Variants in MAP3K9 observed in about 807,000 individuals in gnomAD.
MAP3K9 encodes the protein mixed lineage kinase 1 (tyr and ser/thr specificity).
A neutral mutation model predicts 95.8 loss-of-function variants in MAP3K9; 46 were observed. That is an observed-to-expected ratio of 0.48 (90% CI 0.38 to 0.61). MAP3K9 has a LOEUF of 0.61. Ranked by LOEUF, MAP3K9 falls within the 20% of genes least tolerant of loss-of-function variation. The pLI is 0.00. For synonymous variants in MAP3K9, 533 were observed against 593.8 expected, an observed-to-expected ratio of 0.90 and a Z score of 1.49; for missense variants, 1,296 against 1,474.3, an observed-to-expected ratio of 0.88 and a Z score of 1.98.
chr14:70,741,328 G>A (rs1480756206), intron 6 of MAP3K9, among the ~76,000 whole-genome samples: 1 of 152,102 alleles, frequency 6.6e-6, no homozygotes, highest in East Asian at 1.9e-4. Flanking sequence ...GACCTCAGAT[G>A]ATCCACCCGC....
At position 70,724,156 on chromosome 14, in the gene MAP3K9, G is replaced by A. The variant is rs1431259989; in HGVS notation, c.*6224C>T. 2 of 152,188 alleles carry A rather than the reference G, an allele frequency of 1.3e-5. No individual in the cohort carries two copies. Among genetic ancestry groups the A allele is most frequent in the African/African-American group, 4.8e-5 (2 of 41,438 alleles). 9.4% of individuals were successfully genotyped at this position (152,188 alleles called of 1,614,324 possible). ...CTGGAATTCAAACATGTTCCAAAGA[G>A]GTTTAAGAGGAGAATCTAAAGGAGC... On this transcript the variant is annotated 3_prime_UTR_variant, in exon 12 of 12. Transcript: ENST00000554752.
chr14:70,745,127 G>A (rs2054128115), intron 5 of MAP3K9, among the ~76,000 whole-genome samples: 2 of 152,148 alleles, frequency 1.3e-5, no homozygotes, highest in African/African-American at 4.8e-5. Context: ...GGTGTGGGGT[G>A]GAACCTGGAG....
intron 8 of MAP3K9, 107 bp from the exon 9 acceptor site, chr14:70,736,136 C>A: frequency 1.3e-6 from 1 of 767,878 alleles, no homozygotes; most frequent in Non-Finnish European, 2.4e-6. Flanking sequence ...TCGCCAGCTG[C>A]CTTCCCACTG....
intron 3 of MAP3K9, among the ~76,000 whole-genome samples, chr14:70,756,247 A>G (rs547831793): frequency 1.3e-5 from 2 of 152,310 alleles, no homozygotes; most frequent in African/African-American, 4.8e-5. Flanking sequence ...GTACTTGGAT[A>G]CATGACACAA....
chr14:70,734,436 C>A lies in MAP3K9; in HGVS notation c.1976G>T (p.Gly659Val). 1 of 1,614,118 alleles carries A rather than the reference C, an allele frequency of 6.2e-7. No individual in the cohort carries two copies. Among genetic ancestry groups the A allele is most frequent in the East Asian group, 2.2e-5 (1 of 44,878 alleles). The part of the protein sequence containing the change: ...WSSSAPNLVK[G>V]PRSSPALPGF... ...TGGCAGGGCCGGGCTACTCCTTGGGCCCTTCACCAGGTTGGGGGCACTGGA... is the reference window on the plus strand; with the variant it reads ...TGGCAGGGCCGGGCTACTCCTTGGGACCTTCACCAGGTTGGGGGCACTGGA... The change falls in exon 10 of 12, where the codon GGC (glycine) becomes GTC (valine). Residue 659 changes from glycine to valine, a missense_variant. Around this residue, in one of 5 missense-constraint regions of MAP3K9, gnomAD observed 377 missense variants for 417.1 expected, o/e 0.90. Transcript: ENST00000554752.
At chr14:70,737,179 T>C (rs1214429423) in intron 8 of MAP3K9, among the ~76,000 whole-genome samples, 1 of 152,186 alleles carries the variant, frequency 6.6e-6, no homozygotes, top group Non-Finnish European at 1.5e-5. Flanking sequence ...GTTCCGTCCA[T>C]TCTTCAGATA....
intron 1 of MAP3K9, among the ~76,000 whole-genome samples, chr14:70,807,568 C>T (rs1156298149): frequency 6.6e-6 from 1 of 152,094 alleles, no homozygotes; most frequent in African/African-American, 2.4e-5. Context: ...GTAACTGTTA[C>T]AAAGGAAATC....
intron 2 of MAP3K9, among the ~76,000 whole-genome samples, chr14:70,794,990 C>CTTTTTTT (rs572010694): frequency 1.2e-4 from 9 of 76,818 alleles, no homozygotes; most frequent in Non-Finnish European, 1.4e-4. Context: ...TTTTCTTTTC[C>CTTTTTTT]TTTTTTTTTT....
At chr14:70,803,968 G>C (rs1389710849) in intron 1 of MAP3K9, among the ~76,000 whole-genome samples, 1 of 152,264 alleles carries the variant, frequency 6.6e-6, no homozygotes, top group East Asian at 1.9e-4. Context: ...GTGAGATGAA[G>C]ACCATGTTCT....
At chr14:70,760,180 G>C (rs1019404865) in intron 3 of MAP3K9, among the ~76,000 whole-genome samples, 7 of 106,492 alleles carry the variant, frequency 6.6e-5, no homozygotes, top group African/African-American at 2.2e-4. Context: ...CACATACACA[G>C]CTCACTTTAC....
intron 1 of MAP3K9, among the ~76,000 whole-genome samples, chr14:70,804,319 C>A (rs1333528268): frequency 6.6e-6 from 1 of 152,084 alleles, no homozygotes; most frequent in African/African-American, 2.4e-5. Flanking sequence ...GTTTCTGAGC[C>A]CCAGAATGAA....
chr14:70,776,576 GA>G (rs956174481), intron 2 of MAP3K9, among the ~76,000 whole-genome samples: 1 of 152,080 alleles, frequency 6.6e-6, no homozygotes, highest in African/African-American at 2.4e-5. Flanking sequence ...ACAAGTGTGA[GA>G]AAAAAACTAA....
At position 70,739,200 on chromosome 14, in the gene MAP3K9, G is replaced by C. The variant is rs564914136; in HGVS notation, c.1691-802C>G. Among the ~76,000 whole-genome samples, 40 of 152,310 alleles carry C rather than the reference G, an allele frequency of 2.6e-4. 1 individual carries two copies. The South Asian group carries it at 7.9e-3, about 30-fold the overall frequency. ...GCTGGAACGCAGTGGCGCAATCTTG[G>C]CTCACTGCAACCTCCGCCTCCTGCA... is the stretch of plus-strand genomic sequence containing the variant. On this transcript the variant is annotated intron_variant, in intron 7 of 11. Coordinates refer to ENST00000554752, the MANE Select transcript of MAP3K9 (RefSeq NM_001284230.2).
chr14:70,761,220 G>A (rs767756579), intron 2 of MAP3K9, 38 bp from the exon 3 acceptor site: 2 of 1,528,436 alleles, frequency 1.3e-6, no homozygotes, highest in South Asian at 1.2e-5. Context: ...ACCAGAGTCT[G>A]CATTAATCAC....
intron 2 of MAP3K9, among the ~76,000 whole-genome samples, chr14:70,776,975 C>T (rs1291883924): frequency 2.0e-5 from 3 of 151,942 alleles, no homozygotes; most frequent in Admixed American, 1.3e-4. Context: ...GGGATTAAGG[C>T]GCCTGCCACC....
At chr14:70,788,453 T>C (rs1028077705) in intron 2 of MAP3K9, among the ~76,000 whole-genome samples, 4 of 152,208 alleles carry the variant, frequency 2.6e-5, no homozygotes, top group African/African-American at 9.7e-5. Flanking sequence ...GGTGGTATTA[T>C]CATTATTCCC....
Position 70,776,708 on chromosome 14 carries a change from G to A in MAP3K9, c.821-15526C>T, listed in dbSNP as rs149818780. On this transcript the variant is annotated intron_variant, in intron 2 of 11. Coordinates refer to ENST00000554752, the MANE Select transcript of MAP3K9 (RefSeq NM_001284230.2). ...TAGGTCCCATATAGCTGTTCACTCGGGCCCCAAATAAAGCATTCTCAACCT... is the reference window on the plus strand; with the variant it reads ...TAGGTCCCATATAGCTGTTCACTCGAGCCCCAAATAAAGCATTCTCAACCT... 2.6e-5 allele frequency among the ~76,000 whole-genome samples: 4 copies of A among 151,856 alleles called. No individual in the cohort carries two copies. In the East Asian group the frequency reaches 7.7e-4, roughly 29 times the overall value.
intron 5 of MAP3K9, 149 bp from the exon 6 acceptor site, chr14:70,742,740 G>A: frequency 1.1e-6 from 1 of 878,068 alleles, no homozygotes; most frequent in Non-Finnish European, 1.7e-6. Context: ...TCGATAGCTG[G>A]TAAATGAACA....
At chr14:70,783,241 A>T (rs1228112185) in intron 2 of MAP3K9, 1 of 973,296 alleles carries the variant, frequency 1.0e-6, no homozygotes. Flanking sequence ...AGCCCAGGAC[A>T]GTACTGTGTC....
Sources: allele counts gnomAD v4.1 joint callset (sites outside exome capture counted in the v4.1 genomes callset), GRCh38; gene constraint gnomAD v4.1.1; regional missense constraint gnomAD v4.1.1; transcripts MANE v1.5; gene names NCBI Gene and HGNC (gene_info 2026-07-23, HGNC 2026-07-21).